Variants in SPMIP11 observed in about 807,000 individuals in gnomAD.
The protein encoded by SPMIP11 is sperm microtubule inner protein 11.
At chr12:48,739,579 G>A in the SPMIP11 span, among the ~76,000 whole-genome samples, 2 of 152,120 alleles carry the variant, frequency 1.3e-5, no homozygotes, top group East Asian at 1.9e-4. Flanking sequence ...ACGCATAGCC[G>A]GGGAAGCCTC....
the SPMIP11 span, among the ~76,000 whole-genome samples, chr12:48,736,413 CA>C: frequency 0.32 from 23,019 of 72,014 alleles, 1,140 homozygotes; most frequent in Middle Eastern, 0.38. Flanking sequence ...GACTCTGTCT[CA>C]AAAAAAAAAA....
At chr12:48,729,986 C>G in the SPMIP11 span, among the ~76,000 whole-genome samples, 1 of 152,030 alleles carries the variant, frequency 6.6e-6, no homozygotes, top group East Asian at 1.9e-4. Context: ...TTCAGAAAAA[C>G]AAACTCTTTG....
the SPMIP11 span, chr12:48,768,439 G>A: frequency 1.8e-6 from 2 of 1,123,132 alleles, no homozygotes; most frequent in Non-Finnish European, 2.6e-6. Flanking sequence ...GGGCAGACGA[G>A]CATGATCCAA....
the SPMIP11 span, among the ~76,000 whole-genome samples, chr12:48,765,997 C>T: frequency 6.6e-6 from 1 of 152,154 alleles, no homozygotes; most frequent in Non-Finnish European, 1.5e-5. Flanking sequence ...CACACTGGAG[C>T]TCATGATGCT....
At chr12:48,750,005 C>T in the SPMIP11 span, among the ~76,000 whole-genome samples, 6 of 151,514 alleles carry the variant, frequency 4.0e-5, no homozygotes, top group East Asian at 4.0e-4. Context: ...TCTGGATCTG[C>T]CATTCTCTCT....
At chr12:48,737,890 A>T in the SPMIP11 span, among the ~76,000 whole-genome samples, 1 of 152,034 alleles carries the variant, frequency 6.6e-6, no homozygotes, top group African/African-American at 2.4e-5. Flanking sequence ...TGGAACGATC[A>T]TGGCTCATTG....
the SPMIP11 span, chr12:48,759,253 A>T: frequency 1.4e-6 from 1 of 702,982 alleles, no homozygotes; most frequent in South Asian, 1.5e-5. Flanking sequence ...CATTATCTCA[A>T]AAGATGGGAA....
the SPMIP11 span, among the ~76,000 whole-genome samples, chr12:48,761,829 C>A: frequency 2.1e-5 from 3 of 139,768 alleles, no homozygotes; most frequent in Non-Finnish European, 3.0e-5. Flanking sequence ...CTCAAGTGAT[C>A]TTTCCACCTC....
At chr12:48,752,257 G>A in the SPMIP11 span, among the ~76,000 whole-genome samples, 7,317 of 152,070 alleles carry the variant, frequency 0.048, 602 homozygotes, top group African/African-American at 0.17. Flanking sequence ...ATCTTTGTCC[G>A]CTACTCAAGA....
chr12:48,728,045 T>C, the SPMIP11 span, among the ~76,000 whole-genome samples: 1 of 95,096 alleles, frequency 1.1e-5, no homozygotes, highest in African/African-American at 3.7e-5. Flanking sequence ...AGCGAAACCA[T>C]CTCAAAAAAA....
chr12:48,762,356 CTTTTTTTTTTTT>C, the SPMIP11 span, among the ~76,000 whole-genome samples: 64 of 61,234 alleles, frequency 1.0e-3, no homozygotes, highest in African/African-American at 5.7e-3. Flanking sequence ...CCCCGCCCAG[CTTTTTTTTTTTT>C]TTTTTTTTTT....
At chr12:48,729,673 G>A in the SPMIP11 span, among the ~76,000 whole-genome samples, 1 of 147,072 alleles carries the variant, frequency 6.8e-6, no homozygotes, top group African/African-American at 2.5e-5. Context: ...TCGCGCCACT[G>A]CACTTCAGCC....
At chr12:48,760,452 A>G in the SPMIP11 span, among the ~76,000 whole-genome samples, 2 of 152,182 alleles carry the variant, frequency 1.3e-5, no homozygotes, top group Non-Finnish European at 2.9e-5. Context: ...TGCTGGGATT[A>G]CAGGTGTGAG....
the SPMIP11 span, among the ~76,000 whole-genome samples, chr12:48,740,494 T>TC: frequency 6.8e-4 from 90 of 131,882 alleles, 1 homozygote; most frequent in Admixed American, 6.1e-3. Flanking sequence ...AATGTCTCTC[T>TC]TTTTTTTTTT....
At chr12:48,728,093 T>C in the SPMIP11 span, among the ~76,000 whole-genome samples, 1 of 152,080 alleles carries the variant, frequency 6.6e-6, no homozygotes, top group Non-Finnish European at 1.5e-5. Flanking sequence ...AATAAGTGTA[T>C]TCTTAGTCAT....
At chr12:48,741,131 T>C in the SPMIP11 span, among the ~76,000 whole-genome samples, 2 of 147,676 alleles carry the variant, frequency 1.4e-5, no homozygotes, top group Non-Finnish European at 1.5e-5. Context: ...ATACAATGGC[T>C]CACCACAACG....
chr12:48,740,584 C>G, the SPMIP11 span, among the ~76,000 whole-genome samples: 1 of 151,196 alleles, frequency 6.6e-6, no homozygotes, highest in Non-Finnish European at 1.5e-5. Context: ...CCTTGAGCTC[C>G]TGGACTCAAG....
At chr12:48,767,989 G>A in the SPMIP11 span, 2 of 157,552 alleles carry the variant, frequency 1.3e-5, no homozygotes, top group Admixed American at 1.2e-4. Context: ...TTGGCACATG[G>A]AAACATTCTC....
chr12:48,767,953 T>C, the SPMIP11 span: 1 of 155,420 alleles, frequency 6.4e-6, no homozygotes, highest in Non-Finnish European at 1.4e-5. Context: ...TTGTTCCCCT[T>C]TGGGGACAGA....
Sources: allele counts gnomAD v4.1 joint callset (sites outside exome capture counted in the v4.1 genomes callset), GRCh38; gene constraint gnomAD v4.1.1; transcripts MANE v1.5; gene names NCBI Gene and HGNC (gene_info 2026-07-23, HGNC 2026-07-21).